The following RP1 variants were observed in gnomAD, a reference collection of about 807,000 sequenced individuals.
RP1 encodes the protein RP1 axonemal microtubule associated.
In RP1, 16 loss-of-function variants were observed where a neutral mutation model predicts 14.8. The ratio of observed to expected loss-of-function variants is 1.08; its 90% confidence interval spans 0.73 to 1.65. The LOEUF (loss-of-function observed/expected upper bound fraction) is 1.65. Among genes scored for constraint, RP1 ranks in the 40% most tolerant of loss-of-function variants. The pLI is 0.00. For missense variants in RP1, 2,631 were observed against 2,535.0 expected, an observed-to-expected ratio of 1.04 and a Z score of -0.81; for synonymous variants, 876 against 883.6, an observed-to-expected ratio of 0.99 and a Z score of 0.15.
At chr8:54,735,714 G>T (rs974531500) in intron 18 of RP1, among the ~76,000 whole-genome samples, 3 of 152,200 alleles carry the variant, frequency 2.0e-5, no homozygotes, top group African/African-American at 7.2e-5. Flanking sequence ...CCTTGCACAG[G>T]CAGCCATACC....
chr8:54,806,389 T>C (rs1341190176), intron 24 of RP1, among the ~76,000 whole-genome samples: 3 of 152,118 alleles, frequency 2.0e-5, no homozygotes, highest in East Asian at 1.9e-4. Context: ...TGTGGAATCA[T>C]GGACATTTAT....
At chr8:54,751,931 T>G (rs1467009886) in intron 19 of RP1, among the ~76,000 whole-genome samples, 2 of 152,186 alleles carry the variant, frequency 1.3e-5, no homozygotes, top group African/African-American at 2.4e-5. Flanking sequence ...GTCAAATCAG[T>G]GAGGCTCTCT....
chr8:54,752,703 C>T (rs1156488707), intron 19 of RP1, among the ~76,000 whole-genome samples: 2 of 152,142 alleles, frequency 1.3e-5, no homozygotes, highest in African/African-American at 2.4e-5. Flanking sequence ...TTGCATACCC[C>T]CCACACTCTC....
At chr8:54,731,133 A>G (rs759813108) in intron 17 of RP1, among the ~76,000 whole-genome samples, 66 of 152,292 alleles carry the variant, frequency 4.3e-4, no homozygotes, top group Middle Eastern at 3.4e-3. Flanking sequence ...TCAACCCATG[A>G]ACTATTAGAA....
intron 1 of RP1, among the ~76,000 whole-genome samples, chr8:54,588,860 G>A (rs955442287): frequency 1.3e-5 from 2 of 152,172 alleles, no homozygotes; most frequent in Non-Finnish European, 2.9e-5. Flanking sequence ...CCATTTAAAA[G>A]GTACTTGGAT....
At chr8:54,601,007 G>A (rs1338522541) in intron 1 of RP1, among the ~76,000 whole-genome samples, 4 of 152,074 alleles carry the variant, frequency 2.6e-5, no homozygotes, top group African/African-American at 4.8e-5. Context: ...CGGGGTTTTC[G>A]GTTGTACTTA....
rs376197933 is a variant in RP1 at position 54,812,004 on chromosome 8, A to G, written c.3616-25446A>G. On this transcript the variant is annotated intron_variant, in intron 24 of 28. Coordinates refer to the RP1 transcript ENST00000637698. ...AACAATATTTGTCAACTCAGTTTCAAGAACAGTTTGTATCTTCTTCTCTAA... is the reference window on the plus strand; with the variant it reads ...AACAATATTTGTCAACTCAGTTTCAGGAACAGTTTGTATCTTCTTCTCTAA... Among the ~76,000 whole-genome samples the G allele has an allele frequency of 1.0e-3, 157 of 152,372 alleles. 1 individual carries two copies. Among genetic ancestry groups the G allele is most frequent in the African/African-American group, 3.6e-3 (151 of 41,586 alleles).
At chr8:54,698,033 T>G (rs568145881) in intron 12 of RP1, among the ~76,000 whole-genome samples, 8 of 152,048 alleles carry the variant, frequency 5.3e-5, no homozygotes, top group African/African-American at 1.9e-4. Flanking sequence ...AAGAAAAAAC[T>G]GACAAATGGG....
chr8:54,639,782 A>C (rs1042863896), intron 3 of RP1, among the ~76,000 whole-genome samples: 1 of 152,186 alleles, frequency 6.6e-6, no homozygotes, highest in African/African-American at 2.4e-5. Context: ...TATTCTGGGT[A>C]CAATATATTC....
At chr8:54,857,117 G>GT (rs1812222693) in intron 27 of RP1, 1 of 1,192,478 alleles carries the variant, frequency 8.4e-7, no homozygotes. Context: ...GTAAGATTTA[G>GT]TTTCTTGGTA....
intron 3 of RP1, among the ~76,000 whole-genome samples, chr8:54,647,295 A>G (rs1806570092): frequency 6.6e-6 from 1 of 151,960 alleles, no homozygotes; most frequent in Non-Finnish European, 1.5e-5. Context: ...GGCACCTGTA[A>G]TCTCAGCTAT....
chr8:54,745,413 T>C (rs1013614382), intron 19 of RP1, among the ~76,000 whole-genome samples: 5 of 152,224 alleles, frequency 3.3e-5, no homozygotes, highest in Non-Finnish European at 5.9e-5. Context: ...CAGTCAACTA[T>C]TTTTAGGATA....
chr8:54,622,105 G>A lies in RP1; in HGVS notation c.616-12G>A, dbSNP rs768964344. The A allele has an allele frequency of 6.2e-7, 1 of 1,613,908 alleles. No homozygotes were observed. Among genetic ancestry groups the A allele is most frequent in the Non-Finnish European group, 8.5e-7 (1 of 1,179,866 alleles). ...GTGCTCATCTCAGGATAATGACTCT[G>A]GTCTCTTTTAGGTTCCCAGCCTCCA... On this transcript the variant is annotated splice_polypyrimidine_tract_variant and intron_variant, in intron 2 of 3. Transcript: ENST00000220676.
chr8:54,757,733 G>T (rs1386602935), intron 21 of RP1, among the ~76,000 whole-genome samples: 1 of 152,208 alleles, frequency 6.6e-6, no homozygotes, highest in East Asian at 1.9e-4. Context: ...GAAAGTCCTA[G>T]AAATGGATCC....
At chr8:54,690,723 G>A (rs1807690740) in intron 12 of RP1, among the ~76,000 whole-genome samples, 1 of 152,028 alleles carries the variant, frequency 6.6e-6, no homozygotes, top group African/African-American at 2.4e-5. Flanking sequence ...TTACTGAGCT[G>A]CAGCAAATCA....
chr8:54,793,195 C>T (rs1810506839), intron 24 of RP1, among the ~76,000 whole-genome samples: 1 of 151,616 alleles, frequency 6.6e-6, no homozygotes, highest in Admixed American at 6.6e-5. Context: ...CAGTAATCTC[C>T]CAACAAGGAA....
chr8:54,601,654 T>C (rs1249400018), intron 1 of RP1, among the ~76,000 whole-genome samples: 3 of 146,938 alleles, frequency 2.0e-5, no homozygotes, highest in Non-Finnish European at 4.5e-5. Context: ...AGAATGTTCA[T>C]AGAAGTATTA....
At chr8:54,759,130 C>CTG (rs3077333) in intron 22 of RP1, 107,949 of 762,476 alleles carry the variant, frequency 0.14, 5,075 homozygotes, top group Middle Eastern at 0.18. Flanking sequence ...GTGGATGATG[C>CTG]TGTGTGTGTG....
At chr8:54,571,881 T>A (rs984612590) in intron 1 of RP1, among the ~76,000 whole-genome samples, 2 of 152,142 alleles carry the variant, frequency 1.3e-5, no homozygotes, top group African/African-American at 4.8e-5. Context: ...TTTCCCTTTT[T>A]TTGTAAGGAC....
Sources: allele counts gnomAD v4.1 joint callset (sites outside exome capture counted in the v4.1 genomes callset), GRCh38; gene constraint gnomAD v4.1.1; transcripts MANE v1.5; gene names NCBI Gene and HGNC (gene_info 2026-07-23, HGNC 2026-07-21).